The following COL4A2 variants were observed in gnomAD, a reference collection of about 807,000 sequenced individuals.
COL4A2 encodes the protein collagen alpha-2(IV) chain.
In COL4A2, 99 loss-of-function variants were observed where a neutral mutation model predicts 200.2. The ratio of observed to expected loss-of-function variants is 0.49; its 90% CI spans 0.42 to 0.58. The LOEUF (loss-of-function observed/expected upper bound fraction) is 0.58. Ranked by LOEUF, COL4A2 falls within the 20% of genes least tolerant of loss-of-function variation. The probability of loss-of-function intolerance (pLI) is 0.00; values close to 1 mark genes in which losing one functional copy is unlikely to be tolerated. For missense variants in COL4A2, 1,950 were observed against 2,314.1 expected (o/e 0.84, Z 3.23); for synonymous variants, 897 against 900.6 (o/e 1.00, Z 0.07).
chr13:110,492,962 A>G (rs1181697935), intron 38 of COL4A2, among the ~76,000 whole-genome samples: 1 of 152,192 alleles, frequency 6.6e-6, no homozygotes, highest in Non-Finnish European at 1.5e-5. Flanking sequence ...AGAGCCAACA[A>G]AACACATCTG....
At position 110,434,396 on chromosome 13, in the gene COL4A2, T is replaced by C. The variant is rs769166495; in HGVS notation, c.685-5T>C. 2 of 1,612,344 alleles carry C rather than the reference T, an allele frequency of 1.2e-6. No individual in the cohort carries two copies. The highest frequency in any genetic ancestry group is 2.2e-5 in the South Asian group (2 of 90,450). ...AAAACTTACAGAAATTATTTATCTTTTCAGGGCAACAGAGGACTTGGTTTC... is the reference window on the plus strand; with the variant it reads ...AAAACTTACAGAAATTATTTATCTTCTCAGGGCAACAGAGGACTTGGTTTC... On this transcript the variant is annotated splice_polypyrimidine_tract_variant and splice_region_variant and intron_variant, in intron 11 of 47. Coordinates refer to ENST00000360467, the MANE Select transcript of COL4A2 (RefSeq NM_001846.4).
At position 110,429,907 on chromosome 13, in the gene COL4A2, A is replaced by C; in HGVS notation, c.500A>C (p.Gln167Pro). 6.2e-7 allele frequency: 1 copy of C among 1,613,166 alleles called. No homozygotes were observed. The highest frequency in any genetic ancestry group is 2.2e-5 in the East Asian group (1 of 44,782). ...TAGGGGCCCCAAGGACCAAAAGGGC[A>C]GAAAGGTGAGCCTTATGCACTGCCT... ...GPPGPQGPKG[Q>P]KGEPYALPKE... Residue 167 changes from glutamine to proline, a missense_variant, in exon 8 of 48, where the codon CAG (glutamine) becomes CCG (proline). Coordinates refer to ENST00000360467, the MANE Select transcript of COL4A2 (RefSeq NM_001846.4).
intron 22 of COL4A2, among the ~76,000 whole-genome samples, chr13:110,460,447 C>T (rs780341622): frequency 2.6e-5 from 4 of 152,138 alleles, no homozygotes; most frequent in African/African-American, 4.8e-5. Flanking sequence ...AGAAAAAGTG[C>T]GTGGGGTGAG....
In COL4A2 at chr13:110,424,757, C is replaced by T; in HGVS notation, c.204C>T (p.Pro68=). The T allele has an allele frequency of 1.2e-6, 2 of 1,610,952 alleles. No individual in the cohort carries two copies. The highest frequency in any genetic ancestry group is 1.7e-4 in the Middle Eastern group (1 of 6,052). Reference sequence around the variant, plus strand: ...AGGGTCAGCCTGGGCCAGTGGGCCCCCAGGGGTACAATGGGCCACCAGGAT... The same window carrying T: ...AGGGTCAGCCTGGGCCAGTGGGCCCTCAGGGGTACAATGGGCCACCAGGAT... The part of the protein sequence containing the change: ...GGRGQPGPVG[P]QGYNGPPGLQ... The change falls in exon 5 of 48, where the codon CCC becomes CCT. Residue 68 remains proline (P), a synonymous_variant. Transcript: ENST00000360467.
At chr13:110,485,154 C>T (rs1480352843) in intron 33 of COL4A2, 127 bp downstream of exon 33, 4 of 783,986 alleles carry the variant, frequency 5.1e-6, no homozygotes, top group Non-Finnish European at 7.8e-6. Context: ...CTTTTCATCT[C>T]TGGGCGCCCT....
At chr13:110,359,126 C>T (rs1300818272) in intron 4 of COL4A2, among the ~76,000 whole-genome samples, 1 of 152,140 alleles carries the variant, frequency 6.6e-6, no homozygotes, top group African/African-American at 2.4e-5. Flanking sequence ...AATATTTACT[C>T]CCTGAATGTC....
At position 110,504,013 on chromosome 13, in the gene COL4A2, C is replaced by A; in HGVS notation, c.4285+20C>A. On this transcript the variant is annotated intron_variant, in intron 44 of 47. Coordinates refer to ENST00000360467, the MANE Select transcript of COL4A2 (RefSeq NM_001846.4). ...AACCAGGTAGAGTGCTGAGCTGGGG[C>A]CTGGAGCCCCTCGGGGCTGCCCGGG... 1.3e-6 allele frequency: 2 copies of A among 1,552,824 alleles called. No homozygotes were observed. Among genetic ancestry groups the A allele is most frequent in the East Asian group, 2.2e-5 (1 of 44,488 alleles).
chr13:110,452,427 G>A (rs1327232926), intron 20 of COL4A2, among the ~76,000 whole-genome samples: 1 of 152,206 alleles, frequency 6.6e-6, no homozygotes, highest in Non-Finnish European at 1.5e-5. Context: ...CTCCCAAAGT[G>A]CTGGGATTAC....
chr13:110,322,031 TC>T (rs1207075126), intron 3 of COL4A2, among the ~76,000 whole-genome samples: 1 of 152,238 alleles, frequency 6.6e-6, no homozygotes, highest in Non-Finnish European at 1.5e-5. Flanking sequence ...AGAATTTCCT[TC>T]CTTTTTAAGC....
intron 3 of COL4A2, among the ~76,000 whole-genome samples, chr13:110,334,519 G>T (rs1240094647): frequency 6.6e-6 from 1 of 152,174 alleles, no homozygotes; most frequent in Non-Finnish European, 1.5e-5. Flanking sequence ...CTTGGAAGCG[G>T]CTTCCCTTCC....
chr13:110,474,033 G>A lies in COL4A2; in HGVS notation c.2425+883G>A, dbSNP rs544532257. Among the ~76,000 whole-genome samples the A allele has an allele frequency of 6.5e-4, 99 of 152,248 alleles. 1 individual carries two copies. The South Asian group carries it at 0.019, about 30-fold the overall frequency. ...TCCCAACTACATGGGAAGCTGAGGT[G>A]GGAGGATTGCTTGAGCCCAGGAATT... is the stretch of plus-strand genomic sequence containing the variant. On this transcript the variant is annotated intron_variant, in intron 29 of 47. Transcript: ENST00000360467.
At chr13:110,485,607 G>T in intron 33 of COL4A2, 48 bp from the exon 34 acceptor site, 1 of 1,463,962 alleles carries the variant, frequency 6.8e-7, no homozygotes, top group Non-Finnish European at 9.3e-7. Flanking sequence ...ACTGGAGGGC[G>T]GGTGCTGCGT....
rs776550709 is a variant in COL4A2 at position 110,482,651 on chromosome 13, G to A, written c.2894G>A (p.Gly965Asp). The change falls in exon 32 of 48, where the codon GGT becomes GAT. Residue 965 changes from glycine (G) to aspartate (D), a missense_variant. Gly to Asp is a moderately conservative substitution (Grantham distance 94). This residue lies in a region of COL4A2 where 1,385 missense variants were observed against 1,720.5 expected (regional missense o/e 0.80). Coordinates refer to ENST00000360467, the MANE Select transcript of COL4A2 (RefSeq NM_001846.4). ...PGLKGLAGEPGFKGSRGDPGP... is the reference protein window; with the variant it reads ...PGLKGLAGEPDFKGSRGDPGP... ...CTGAAGGGTCTGGCTGGTGAGCCAG[G>A]TTTTAAAGGTATGTCCCTCTCTTAA... 1 of 1,613,944 alleles carries A rather than the reference G, an allele frequency of 6.2e-7. No homozygotes were observed. Among genetic ancestry groups the A allele is most frequent in the South Asian group, 1.1e-5 (1 of 91,058 alleles).
At chr13:110,399,577 C>T (rs904164595) in intron 4 of COL4A2, among the ~76,000 whole-genome samples, 5 of 152,208 alleles carry the variant, frequency 3.3e-5, no homozygotes, top group African/African-American at 1.2e-4. Flanking sequence ...GAGCCTAGGT[C>T]CTGTGAAACC....
intron 4 of COL4A2, among the ~76,000 whole-genome samples, chr13:110,366,795 CAT>C (rs2139397588): frequency 6.6e-6 from 1 of 152,288 alleles, no homozygotes; most frequent in Non-Finnish European, 1.5e-5. Flanking sequence ...TTAGGGTAAA[CAT>C]ATAATAAATG....
At chr13:110,423,168 T>A (rs1880319660) in intron 4 of COL4A2, among the ~76,000 whole-genome samples, 1 of 152,192 alleles carries the variant, frequency 6.6e-6, no homozygotes, top group African/African-American at 2.4e-5. Flanking sequence ...GGACATACGT[T>A]TTTTTAAGTT....
At chr13:110,449,532 C>A in intron 18 of COL4A2, 147 bp from the exon 19 acceptor site, 1 of 690,964 alleles carries the variant, frequency 1.4e-6, no homozygotes. Flanking sequence ...GAGAGACCAC[C>A]CCATGTATTA....
At chr13:110,472,499 C>T (rs1882518580) in intron 28 of COL4A2, among the ~76,000 whole-genome samples, 2 of 152,110 alleles carry the variant, frequency 1.3e-5, no homozygotes, top group South Asian at 2.1e-4. Context: ...CGGCAGGCAG[C>T]GTTTTGGCTC....
At chr13:110,485,395 C>T (rs182809736) in intron 33 of COL4A2, among the ~76,000 whole-genome samples, 2 of 152,052 alleles carry the variant, frequency 1.3e-5, no homozygotes, top group Admixed American at 1.3e-4. Flanking sequence ...TGGTGGTGGG[C>T]GCCTGTAGTC....
Sources: gnomAD v4.1 joint callset for allele counts (sites outside exome capture counted in the v4.1 genomes callset) on GRCh38, gnomAD v4.1.1 for gene constraint, gnomAD v4.1.1 regional missense constraint, MANE v1.5 for transcripts, NCBI Gene and HGNC (gene_info 2026-07-23, HGNC 2026-07-21) for gene names.